Variants in DPP4 observed in about 807,000 individuals in gnomAD.
DPP4 encodes the protein ADCP-2.
In DPP4, 93 loss-of-function variants were observed where a neutral mutation model predicts 122.4. The ratio of observed to expected loss-of-function variants is 0.76; its 90% CI spans 0.64 to 0.90. DPP4 has a LOEUF of 0.90. Among genes scored for constraint, DPP4 ranks in the 40% least tolerant of loss-of-function variants. DPP4 has a pLI of 0.00. For missense variants in DPP4, 914 were observed against 907.3 expected (o/e 1.01, Z -0.09); for synonymous variants, 321 against 302.9 (o/e 1.06, Z -0.62).
In DPP4 at chr2:162,011,878, T is replaced by G; in HGVS notation, c.1747A>C (p.Ser583Arg). The G allele has an allele frequency of 6.2e-7, 1 of 1,613,812 alleles. No homozygotes were observed. ...ATGATCTTATCTCCTTGGTAACCACTTCCTCTGCCATCAAAGCTAGCTACT... is the reference window on the plus strand; with the variant it reads ...ATGATCTTATCTCCTTGGTAACCACGTCCTCTGCCATCAAAGCTAGCTACT... ...IIVASFDGRG[S>R]GYQGDKIMHA... Residue 583 changes from serine to arginine, a missense_variant, in exon 20 of 26, where the codon AGT becomes CGT. Coordinates refer to ENST00000360534, the MANE Select transcript of DPP4 (RefSeq NM_001935.4).
At chr2:162,033,501 A>G (rs200477503) in intron 10 of DPP4, 40 bp downstream of exon 10, 5 of 1,531,436 alleles carry the variant, frequency 3.3e-6, no homozygotes, top group Non-Finnish European at 4.5e-6. Flanking sequence ...AGAAAGTGTA[A>G]AACTGTTTAC....
rs142017259 is a variant in DPP4 at position 162,046,920 on chromosome 2, T to C, written c.280A>G (p.Thr94Ala). Residue 94 changes from threonine (T) to alanine (A), a missense_variant, in exon 4 of 26, where the codon ACA (threonine) becomes GCA (alanine). Coordinates refer to ENST00000360534, the MANE Select transcript of DPP4 (RefSeq NM_001935.4). ...GNSSVFLENS[T>A]FDEFGHSIND... ...AATTACGTGATTAAACATACAAATG[T>C]ACTGTTCTCCAAGAAAACTGAGCTG... The C allele has an allele frequency of 1.9e-6, 3 of 1,569,526 alleles. No individual in the cohort carries two copies. Among genetic ancestry groups the C allele is most frequent in the East Asian group, 2.2e-5 (1 of 44,624 alleles).
chr2:162,010,930 T>G (rs1354180933), intron 20 of DPP4, among the ~76,000 whole-genome samples: 2 of 152,138 alleles, frequency 1.3e-5, no homozygotes, highest in Non-Finnish European at 1.5e-5. Context: ...CAGACATCCA[T>G]GCTGTTGGTT....
At chr2:162,061,532 C>A (rs753305794) in intron 2 of DPP4, among the ~76,000 whole-genome samples, 1 of 152,098 alleles carries the variant, frequency 6.6e-6, no homozygotes, top group Non-Finnish European at 1.5e-5. Flanking sequence ...TTTTCTTAAC[C>A]AAACTATTAA....
chr2:162,027,765 C>A (rs1683384662), intron 10 of DPP4, among the ~76,000 whole-genome samples: 1 of 152,104 alleles, frequency 6.6e-6, no homozygotes, highest in African/African-American at 2.4e-5. Context: ...ATAAAAGCAA[C>A]CTTTCCCCAT....
At position 162,018,752 on chromosome 2, in the gene DPP4, T is replaced by A. The variant is rs753015931; in HGVS notation, c.1397A>T (p.Lys466Met). The A allele has an allele frequency of 1.2e-6, 2 of 1,613,992 alleles. No homozygotes were observed. The highest frequency in any genetic ancestry group is 2.7e-5 in the African/African-American group (2 of 74,924). The change falls in exon 16 of 26, where the codon AAG (lysine) becomes ATG (methionine). Residue 466 changes from lysine (K) to methionine (M), a missense_variant. Coordinates refer to ENST00000360534, the MANE Select transcript of DPP4 (RefSeq NM_001935.4). ...YYSVSFSKEA[K>M]YYQLRCSGPG... ...ACCGGAACATCTCAGCTGATAATAC[T>A]TCGCCTCTTTACTGAATGACACAGA...
Position 162,073,415 on chromosome 2 carries a change from A to G in DPP4, c.78T>C (p.Val26=). The G allele has an allele frequency of 6.2e-7, 1 of 1,614,072 alleles. No individual in the cohort carries two copies. The highest frequency in any genetic ancestry group is 8.5e-7 in the Non-Finnish European group (1 of 1,180,020). Residue 26 remains valine, a synonymous_variant, in exon 2 of 26, where the codon GTT becomes GTC. Coordinates refer to ENST00000360534, the MANE Select transcript of DPP4 (RefSeq NM_001935.4). ...ALVTIITVPV[V]LLNKGTDDAT... ...CAAACTTACTGCCTTTGTTCAGCAG[A>G]ACCACGGGCACGGTGATGATGGTGA...
At chr2:162,054,368 G>A (rs1489411429) in intron 2 of DPP4, among the ~76,000 whole-genome samples, 1 of 152,180 alleles carries the variant, frequency 6.6e-6, no homozygotes, top group Admixed American at 6.5e-5. Flanking sequence ...TGAGACTCTG[G>A]CCTCTAGCCT....
intron 5 of DPP4, among the ~76,000 whole-genome samples, chr2:162,043,161 G>A (rs988591797): frequency 3.9e-5 from 6 of 152,182 alleles, no homozygotes; most frequent in African/African-American, 1.4e-4. Context: ...TTTAGGGTAG[G>A]CCACAGATAT....
intron 23 of DPP4, among the ~76,000 whole-genome samples, chr2:162,003,189 A>T (rs1281925783): frequency 6.6e-6 from 1 of 152,168 alleles, no homozygotes; most frequent in Admixed American, 6.5e-5. Flanking sequence ...TTGTGCACCC[A>T]GTGTGCGTGT....
At chr2:162,052,386 G>A (rs544007678) in intron 2 of DPP4, among the ~76,000 whole-genome samples, 9 of 150,988 alleles carry the variant, frequency 6.0e-5, no homozygotes, top group Non-Finnish European at 8.8e-5. Flanking sequence ...CTGCCTTTGT[G>A]ACCCTCTACC....
intron 16 of DPP4, 195 bp from the exon 17 acceptor site, chr2:162,017,350 A>C (rs778642213): frequency 1.0e-5 from 6 of 572,934 alleles, no homozygotes; most frequent in Non-Finnish European, 1.6e-5. Flanking sequence ...ATTTCAGTGT[A>C]AGAAGTATTA....
intron 2 of DPP4, among the ~76,000 whole-genome samples, chr2:162,053,457 G>A (rs946186336): frequency 6.6e-6 from 1 of 152,116 alleles, no homozygotes; most frequent in African/African-American, 2.4e-5. Flanking sequence ...AACTCATAAT[G>A]TTTTAAGAAA....
At chr2:162,032,752 A>G (rs1387968352) in intron 10 of DPP4, among the ~76,000 whole-genome samples, 2 of 151,956 alleles carry the variant, frequency 1.3e-5, no homozygotes, top group African/African-American at 2.4e-5. Context: ...AACAGAAATG[A>G]GTAAATATGG....
Position 162,014,481 on chromosome 2 carries a change from GATTA to G in DPP4, c.1568-20_1568-17del. The G allele has an allele frequency of 2.5e-6, 4 of 1,586,158 alleles. No individual in the cohort carries two copies. The highest frequency in any genetic ancestry group is 3.4e-6 in the Non-Finnish European group (4 of 1,162,490). ...TACCAAAATTCTAAACAAACAGAAA[GATTA>G]ATTAGTGAGGTAAGAAAAATTATTA... On this transcript the variant is annotated splice_polypyrimidine_tract_variant and intron_variant, in intron 18 of 25. Coordinates refer to ENST00000360534, the MANE Select transcript of DPP4 (RefSeq NM_001935.4).
At chr2:162,044,964 CTTT>C (rs370441659) in intron 5 of DPP4, among the ~76,000 whole-genome samples, 3 of 142,056 alleles carry the variant, frequency 2.1e-5, no homozygotes, top group Admixed American at 7.1e-5. Flanking sequence ...TTCTTTCTTT[CTTT>C]TTTTTTTTTT....
At chr2:162,050,507 G>A (rs1559722402) in intron 2 of DPP4, among the ~76,000 whole-genome samples, 1 of 152,240 alleles carries the variant, frequency 6.6e-6, no homozygotes. Context: ...CAACTCTGAT[G>A]CCACACTTGC....
At chr2:162,073,045 T>C (rs1861977) in intron 2 of DPP4, among the ~76,000 whole-genome samples, 42,735 of 151,860 alleles carry the variant, frequency 0.28, 6,451 homozygotes, top group Non-Finnish European at 0.34. Flanking sequence ...TTTTCCTTTT[T>C]CGATCACACC....
intron 22 of DPP4, 77 bp from the exon 23 acceptor site, chr2:162,005,886 G>A: frequency 9.0e-7 from 1 of 1,108,730 alleles, no homozygotes; most frequent in Non-Finnish European, 1.3e-6. Context: ...GGCCACTTCA[G>A]TGTTTCCATA....
Sources: allele counts gnomAD v4.1 joint callset (sites outside exome capture counted in the v4.1 genomes callset), GRCh38; gene constraint gnomAD v4.1.1; transcripts MANE v1.5; gene names NCBI Gene and HGNC (gene_info 2026-07-23, HGNC 2026-07-21).